LIMD1: variants seen among roughly 807,000 people sequenced by gnomAD.
LIMD1 encodes the protein LIM domain containing 1, also known as LIM domain-containing protein 1.
A neutral mutation model predicts 58.4 loss-of-function variants in LIMD1; 23 were observed. The observed-to-expected ratio is 0.39, with a 90% CI of 0.28 to 0.56. The LOEUF (loss-of-function observed/expected upper bound fraction) is 0.56, where lower values mean the gene tolerates loss of function less well. Ranked by LOEUF, LIMD1 falls within the 20% of genes least tolerant of loss-of-function variation. The probability of loss-of-function intolerance (pLI) is 0.57; values close to 1 mark genes in which losing one functional copy is unlikely to be tolerated. For synonymous variants in LIMD1, 334 were observed against 345.5 expected (o/e 0.97, Z 0.37); for missense variants, 838 against 855.5 (o/e 0.98, Z 0.25).
At position 45,665,548 on chromosome 3, in the gene LIMD1, G is replaced by A. The variant is rs549680586; in HGVS notation, c.1511-102G>A. ...GTCATTGACAGTTGGCGGTTTTTACGTGTTTATTTCTGCCTAAAGATTTTG... is the reference window on the plus strand; with the variant it reads ...GTCATTGACAGTTGGCGGTTTTTACATGTTTATTTCTGCCTAAAGATTTTG... On this transcript the variant is annotated intron_variant, in intron 2 of 7. Transcript: ENST00000273317. 1.3e-4 allele frequency: 111 copies of A among 879,686 alleles called. No homozygotes were observed. In the African/African-American group the frequency reaches 1.4e-3, roughly 11 times the overall value. 54.5% of individuals were successfully genotyped at this position (879,686 alleles called of 1,614,324 possible). A position where few individuals can be genotyped will look rare whatever the true frequency, so the allele number is the denominator to read the frequency against.
Position 45,677,241 on chromosome 3 carries a change from G to T in LIMD1, c.*182G>T. The T allele has an allele frequency of 1.7e-6, 1 of 589,094 alleles. No individual in the cohort carries two copies. The highest frequency in any genetic ancestry group is 3.0e-6 in the Non-Finnish European group (1 of 338,256). 36.5% of individuals were successfully genotyped at this position (589,094 alleles called of 1,614,324 possible). On this transcript the variant is annotated 3_prime_UTR_variant, in exon 8 of 8. Transcript: ENST00000273317. Reference sequence around the variant, plus strand: ...GAGGTGAACACTACCTGCCTCCTGCGTGTATTTTCCAAGTGCTTTTCTCTG... The same window carrying T: ...GAGGTGAACACTACCTGCCTCCTGCTTGTATTTTCCAAGTGCTTTTCTCTG...
intron 2 of LIMD1, among the ~76,000 whole-genome samples, chr3:45,646,036 A>C (rs1239102899): frequency 6.8e-6 from 1 of 146,324 alleles, no homozygotes; most frequent in Non-Finnish European, 1.6e-5. Context: ...TCTCAAAAAA[A>C]AAAAAAAAAA....
Position 45,595,831 on chromosome 3 carries a change from C to T in LIMD1, c.952C>T (p.Leu318=). ...AGGTCTTCCAAGATCAAACTCGGGGCTGGGGGGTGAGGTTTCAGGTGTGAT... is the reference window on the plus strand; with the variant it reads ...AGGTCTTCCAAGATCAAACTCGGGGTTGGGGGGTGAGGTTTCAGGTGTGAT... ...QGGLPRSNSG[L]GGEVSGVMSK... The change falls in exon 1 of 8, where the codon CTG becomes TTG. Residue 318 remains leucine (L), a synonymous_variant. Transcript: ENST00000273317. 1.2e-6 allele frequency: 2 copies of T among 1,614,184 alleles called. No individual in the cohort carries two copies. Among genetic ancestry groups the T allele is most frequent in the East Asian group, 2.2e-5 (1 of 44,884 alleles).
At chr3:45,608,388 A>G (rs1701488333) in intron 1 of LIMD1, among the ~76,000 whole-genome samples, 1 of 152,176 alleles carries the variant, frequency 6.6e-6, no homozygotes, top group Non-Finnish European at 1.5e-5. Context: ...GGGCGGGGGC[A>G]TCGCAGGCAT....
At chr3:45,624,754 A>G (rs1701654386) in intron 1 of LIMD1, among the ~76,000 whole-genome samples, 1 of 151,898 alleles carries the variant, frequency 6.6e-6, no homozygotes, top group African/African-American at 2.4e-5. Context: ...AAAACTTTCC[A>G]TCACAACAGG....
chr3:45,602,331 G>A (rs1279783896), intron 1 of LIMD1, among the ~76,000 whole-genome samples: 2 of 152,098 alleles, frequency 1.3e-5, no homozygotes, highest in East Asian at 3.9e-4. Flanking sequence ...GATCTGTCAC[G>A]GCTAAAGCTA....
At chr3:45,651,127 A>C (rs1701970627) in intron 2 of LIMD1, among the ~76,000 whole-genome samples, 1 of 152,094 alleles carries the variant, frequency 6.6e-6, no homozygotes, top group Non-Finnish European at 1.5e-5. Context: ...TGGCTGCATA[A>C]ATGTCTTCTT....
At chr3:45,676,605 C>T (rs192784982) in intron 7 of LIMD1, among the ~76,000 whole-genome samples, 14 of 152,352 alleles carry the variant, frequency 9.2e-5, no homozygotes, top group African/African-American at 3.1e-4. Context: ...CTTCCAGCTT[C>T]ATCCATGTCC....
chr3:45,612,627 A>G (rs983597844), intron 1 of LIMD1, among the ~76,000 whole-genome samples: 4 of 152,238 alleles, frequency 2.6e-5, no homozygotes, highest in African/African-American at 7.2e-5. Flanking sequence ...ATTCCTATCA[A>G]GATATAGAAT....
chr3:45,621,308 C>T (rs926852685), intron 1 of LIMD1, among the ~76,000 whole-genome samples: 8 of 152,156 alleles, frequency 5.3e-5, no homozygotes, highest in East Asian at 1.9e-4. Flanking sequence ...TGGCTCACTG[C>T]AGCCATGAAC....
intron 2 of LIMD1, among the ~76,000 whole-genome samples, chr3:45,644,066 G>T (rs968603376): frequency 6.6e-6 from 1 of 152,210 alleles, no homozygotes; most frequent in Non-Finnish European, 1.5e-5. Context: ...TTGAGACCCA[G>T]TTGGAAGAAA....
At chr3:45,615,871 T>TATAA (rs1437172490) in intron 1 of LIMD1, among the ~76,000 whole-genome samples, 5 of 152,148 alleles carry the variant, frequency 3.3e-5, no homozygotes, top group African/African-American at 9.7e-5. Flanking sequence ...GGGTACCTTT[T>TATAA]ACATGGGAGT....
chr3:45,677,993 A>G lies in LIMD1; in HGVS notation c.*934A>G, dbSNP rs1286443556. The G allele has an allele frequency of 6.6e-6, 1 of 152,294 alleles. No individual in the cohort carries two copies. The allele number at this position is 152,294 out of a possible 1,614,324, so 9.4% of individuals were successfully genotyped here. ...CGGGCTTTTGGGAAGAGCTGCCCGC[A>G]TACTGAGAGACAGCTTCTTATAAAC... On this transcript the variant is annotated 3_prime_UTR_variant, in exon 8 of 8. Coordinates refer to ENST00000273317, the MANE Select transcript of LIMD1 (RefSeq NM_014240.3).
intron 2 of LIMD1, among the ~76,000 whole-genome samples, chr3:45,663,868 A>ATTTTTTTTTTTTTTTTTTTTTTTTTTTTT (rs553757543): frequency 3.9e-5 from 4 of 102,850 alleles, no homozygotes; most frequent in African/African-American, 1.7e-4. Context: ...TGCCTGGCTA[A>ATTTTTTTTTTTTTTTTTTTTTTTTTTTTT]TTTTTTTTTT....
intron 1 of LIMD1, among the ~76,000 whole-genome samples, chr3:45,613,525 A>G (rs763040853): frequency 6.6e-6 from 1 of 150,898 alleles, no homozygotes; most frequent in Admixed American, 6.6e-5. Flanking sequence ...ACTGCTGAGT[A>G]ATATTACATT....
rs907719099 is a variant in LIMD1, at chr3:45,594,754, C to T, written c.-126C>T. 191 of 810,600 alleles carry T rather than the reference C, an allele frequency of 2.4e-4. 2 individuals are homozygous for T. The highest frequency in any genetic ancestry group is 1.0e-3 in the South Asian group (60 of 57,354). The allele number at this position is 810,600 out of a possible 1,614,324, so 50.2% of individuals were successfully genotyped here. A position where few individuals can be genotyped will look rare whatever the true frequency, so the allele number is the denominator to read the frequency against. ...GGGCCGGACTTGAGCCCCGACCCTT[C>T]GCCAGCATCTCCCCGCTGCCCTCAA... On this transcript the variant is annotated 5_prime_UTR_variant, in exon 1 of 8. Transcript: ENST00000273317.
In LIMD1 at chr3:45,608,360, C is replaced by T. The variant is rs866169316; in HGVS notation, c.1408+12073C>T. 9.9e-5 allele frequency among the ~76,000 whole-genome samples: 15 copies of T among 152,250 alleles called. No homozygotes were observed. In the Middle Eastern group the frequency reaches 0.01, roughly 104 times the overall value. The stretch of plus-strand genomic sequence containing the variant: ...ACAGTGGTTTAGGGAGAACTTGCTT[C>T]GGACACCTTGTGTGTATGGGCGGGG... On this transcript the variant is annotated intron_variant, in intron 1 of 7. Coordinates refer to ENST00000273317, the MANE Select transcript of LIMD1 (RefSeq NM_014240.3).
intron 2 of LIMD1, among the ~76,000 whole-genome samples, chr3:45,661,504 G>A (rs759269046): frequency 6.6e-6 from 1 of 152,178 alleles, no homozygotes; most frequent in African/African-American, 2.4e-5. Flanking sequence ...TTTTTAGCAA[G>A]CTATTATAAA....
At chr3:45,608,578 A>G (rs1210308800) in intron 1 of LIMD1, among the ~76,000 whole-genome samples, 1 of 152,140 alleles carries the variant, frequency 6.6e-6, no homozygotes, top group Non-Finnish European at 1.5e-5. Flanking sequence ...CGTGGCTCAC[A>G]CCTATAATCC....
Sources: gnomAD v4.1 joint callset for allele counts (sites outside exome capture counted in the v4.1 genomes callset) on GRCh38, gnomAD v4.1.1 for gene constraint, MANE v1.5 for transcripts, NCBI Gene and HGNC (gene_info 2026-07-23, HGNC 2026-07-21) for gene names.